The following NTN4 variants were observed in gnomAD, a reference collection of about 807,000 sequenced individuals.
NTN4 encodes netrin-4.
NTN4 carries 32 observed loss-of-function variants against 73.6 expected under a neutral mutation model. The ratio of observed to expected loss-of-function variants is 0.44; its 90% CI spans 0.33 to 0.58. The LOEUF is 0.58. Among genes scored for constraint, NTN4 ranks in the 20% least tolerant of loss-of-function variants. The pLI is 0.04. For synonymous variants in NTN4, 258 were observed against 287.5 expected, an observed-to-expected ratio of 0.90 and a Z score of 1.04; for missense variants, 654 against 798.3, an observed-to-expected ratio of 0.82 and a Z score of 2.18.
chr12:95,708,073 G>A (rs1592677447), intron 5 of NTN4, among the ~76,000 whole-genome samples: 1 of 152,114 alleles, frequency 6.6e-6, no homozygotes, highest in East Asian at 1.9e-4. Context: ...GTTAGCACAT[G>A]GAGATTAGGA....
At chr12:95,662,998 T>C (rs7980442) in intron 9 of NTN4, among the ~76,000 whole-genome samples, 58,945 of 151,806 alleles carry the variant, frequency 0.39, 11,479 homozygotes, top group East Asian at 0.52. Context: ...GGCATGTCTA[T>C]AGTCCTAGCT....
At chr12:95,748,644 T>A (rs915129742) in intron 2 of NTN4, among the ~76,000 whole-genome samples, 1 of 152,138 alleles carries the variant, frequency 6.6e-6, no homozygotes, top group Non-Finnish European at 1.5e-5. Context: ...CTAAGTTTTG[T>A]ATTTTTAGTG....
rs569648659 is a variant in NTN4, at chr12:95,734,427, G to A, written c.864+3439C>T. Among the ~76,000 whole-genome samples, 6 of 152,282 alleles carry A rather than the reference G, an allele frequency of 3.9e-5. No homozygotes were observed. In the South Asian group the frequency reaches 6.2e-4, roughly 16 times the overall value. On this transcript the variant is annotated intron_variant, in intron 3 of 9. Coordinates refer to ENST00000343702, the MANE Select transcript of NTN4 (RefSeq NM_021229.4). ...AGGTTTGAGAATGTGTATTTCTCAC[G>A]AGTTGCCAGATGAGGCTGATGGTGC...
intron 5 of NTN4, among the ~76,000 whole-genome samples, chr12:95,686,941 C>T (rs2078365641): frequency 1.3e-5 from 2 of 152,184 alleles, no homozygotes; most frequent in African/African-American, 4.8e-5. Flanking sequence ...CCGTTCATCC[C>T]TTCTGCATTT....
In NTN4 at chr12:95,723,357, T is replaced by C. The variant is rs1478512096; in HGVS notation, c.865-10019A>G. Among the ~76,000 whole-genome samples the C allele has an allele frequency of 3.9e-5, 6 of 152,076 alleles. No individual in the cohort carries two copies. In the East Asian group the frequency reaches 9.6e-4, roughly 24 times the overall value. Reference sequence around the variant, plus strand: ...CTCGCTAGGTTTTCTTGGCCTTTTATCATCATTCAGCTATTTTACAACTCT... The same window carrying C: ...CTCGCTAGGTTTTCTTGGCCTTTTACCATCATTCAGCTATTTTACAACTCT... On this transcript the variant is annotated intron_variant, in intron 3 of 9. Transcript: ENST00000343702.
intron 2 of NTN4, among the ~76,000 whole-genome samples, chr12:95,768,903 G>A (rs2079037805): frequency 6.6e-6 from 1 of 152,144 alleles, no homozygotes; most frequent in Non-Finnish European, 1.5e-5. Flanking sequence ...GGAGAGAAAG[G>A]AATTGAGAGA....
At chr12:95,773,304 T>C (rs1457437967) in intron 2 of NTN4, among the ~76,000 whole-genome samples, 1 of 152,200 alleles carries the variant, frequency 6.6e-6, no homozygotes, top group African/African-American at 2.4e-5. Flanking sequence ...ATGCCTGGCC[T>C]CCAATGGCTT....
rs759976665 is a variant in NTN4 at position 95,682,785 on chromosome 12, A to G, written c.1432T>C (p.Phe478Leu). The G allele has an allele frequency of 1.2e-6, 2 of 1,613,840 alleles. No homozygotes were observed. The highest frequency in any genetic ancestry group is 1.3e-5 in the African/African-American group (1 of 75,034). ...TCGCTCTTATTGTGCACGGGACGGAAGTCAGGAACTTCATGATACCAGTCT... is the reference window on the plus strand; with the variant it reads ...TCGCTCTTATTGTGCACGGGACGGAGGTCAGGAACTTCATGATACCAGTCT... ...DIDWYHEVPD[F>L]RPVHNKSEPA... is the part of the protein sequence containing the mutation. Residue 478 changes from phenylalanine to leucine, a missense_variant, in exon 7 of 10, where the codon TTC becomes CTC. By Grantham distance (22) the Phe-to-Leu change is conservative. Coordinates refer to ENST00000343702, the MANE Select transcript of NTN4 (RefSeq NM_021229.4).
intron 5 of NTN4, among the ~76,000 whole-genome samples, chr12:95,692,336 G>A (rs2078407869): frequency 6.6e-6 from 1 of 152,004 alleles, no homozygotes; most frequent in African/African-American, 2.4e-5. Flanking sequence ...ATGCCTGGCT[G>A]GTACCTTCTT....
Position 95,702,430 on chromosome 12 carries a change from C to A in NTN4, c.1180+8011G>T, listed in dbSNP as rs555649668. ...GGAAGTCTTCCCTAAATTGTCCTCACTCACCCCCACACTCTCCCTAAGGCA... is the reference window on the plus strand; with the variant it reads ...GGAAGTCTTCCCTAAATTGTCCTCAATCACCCCCACACTCTCCCTAAGGCA... On this transcript the variant is annotated intron_variant, in intron 5 of 9. Transcript: ENST00000343702. Among the ~76,000 whole-genome samples, 5 of 152,172 alleles carry A rather than the reference C, an allele frequency of 3.3e-5. No individual in the cohort carries two copies. The East Asian group carries it at 9.6e-4, about 29-fold the overall frequency.
chr12:95,714,645 G>A (rs2078592359), intron 3 of NTN4, among the ~76,000 whole-genome samples: 1 of 152,104 alleles, frequency 6.6e-6, no homozygotes, highest in Non-Finnish European at 1.5e-5. Flanking sequence ...AATAATGCTG[G>A]CGTTCAAAAG....
At chr12:95,672,082 A>G (rs2078235375) in intron 7 of NTN4, among the ~76,000 whole-genome samples, 1 of 151,550 alleles carries the variant, frequency 6.6e-6, no homozygotes, top group African/African-American at 2.4e-5. Flanking sequence ...GCACTTTGGG[A>G]GGTCGATATG....
intron 7 of NTN4, among the ~76,000 whole-genome samples, chr12:95,674,481 G>C (rs1164336030): frequency 6.6e-6 from 1 of 151,854 alleles, no homozygotes; most frequent in African/African-American, 2.4e-5. Context: ...GGGAAGAAAA[G>C]CTTGTTTAGT....
intron 9 of NTN4, among the ~76,000 whole-genome samples, chr12:95,665,160 G>A (rs1389643009): frequency 6.6e-6 from 1 of 152,102 alleles, no homozygotes; most frequent in Non-Finnish European, 1.5e-5. Flanking sequence ...ATAACCATGC[G>A]CTTGGGGCAA....
chr12:95,726,619 G>A (rs2078696177), intron 3 of NTN4, among the ~76,000 whole-genome samples: 3 of 152,094 alleles, frequency 2.0e-5, no homozygotes, highest in African/African-American at 7.2e-5. Context: ...ATTCACTTGT[G>A]TATATACTGA....
chr12:95,760,290 T>C (rs920986999), intron 2 of NTN4, among the ~76,000 whole-genome samples: 2 of 152,218 alleles, frequency 1.3e-5, no homozygotes, highest in African/African-American at 4.8e-5. Context: ...ATTCCCAGAC[T>C]CATAGGAATA....
At chr12:95,691,464 T>C (rs773883261) in intron 5 of NTN4, among the ~76,000 whole-genome samples, 30 of 152,312 alleles carry the variant, frequency 2.0e-4, no homozygotes, top group Middle Eastern at 6.8e-3. Flanking sequence ...GGCGTAATCT[T>C]GGCTGACTAC....
intron 3 of NTN4, among the ~76,000 whole-genome samples, chr12:95,717,307 A>G (rs2078613571): frequency 6.6e-6 from 1 of 152,176 alleles, no homozygotes; most frequent in South Asian, 2.1e-4. Context: ...AGGCCTCAGG[A>G]GTCCGCAGAT....
chr12:95,726,533 G>A (rs1433588862), intron 3 of NTN4, among the ~76,000 whole-genome samples: 1 of 152,122 alleles, frequency 6.6e-6, no homozygotes, highest in Non-Finnish European at 1.5e-5. Flanking sequence ...CATTTGAGTT[G>A]TCTCCACTTT....
Sources: allele counts gnomAD v4.1 joint callset (sites outside exome capture counted in the v4.1 genomes callset), GRCh38; gene constraint gnomAD v4.1.1; transcripts MANE v1.5; gene names NCBI Gene and HGNC (gene_info 2026-07-23, HGNC 2026-07-21).